The following PPP4R1 variants were observed in gnomAD, a reference collection of about 807,000 sequenced individuals.
PPP4R1 encodes serine/threonine-protein phosphatase 4 regulatory subunit 1.
A neutral mutation model predicts 111.2 loss-of-function variants in PPP4R1; 42 were observed. That is an observed-to-expected ratio of 0.38 (90% CI 0.29 to 0.49). The LOEUF is 0.49. Among genes scored for constraint, PPP4R1 ranks in the 20% least tolerant of loss-of-function variants. PPP4R1 has a pLI of 0.97. For missense variants in PPP4R1, 1,012 were observed against 1,161.6 expected, an observed-to-expected ratio of 0.87 and a Z score of 1.87; for synonymous variants, 409 against 405.5, an observed-to-expected ratio of 1.01 and a Z score of -0.10.
chr18:9,610,051 A>G (rs772944178), intron 2 of PPP4R1, among the ~76,000 whole-genome samples: 6 of 152,236 alleles, frequency 3.9e-5, no homozygotes, highest in Non-Finnish European at 7.3e-5. Flanking sequence ...TAAAAATAAC[A>G]TTCTTCAACA....
rs753744090 is a variant in PPP4R1, at chr18:9,588,251, C to A, written c.439-16G>T. ...TTTTCCTCACCTAGGAGAAAAATAA[C>A]AACACAAAGAAAGTACATATGCAAC... On this transcript the variant is annotated splice_polypyrimidine_tract_variant and intron_variant, in intron 5 of 19. Coordinates refer to ENST00000400556, the MANE Select transcript of PPP4R1 (RefSeq NM_001042388.3). The A allele has an allele frequency of 2.5e-6, 4 of 1,610,124 alleles. No individual in the cohort carries two copies. The highest frequency in any genetic ancestry group is 3.4e-6 in the Non-Finnish European group (4 of 1,178,398).
Position 9,614,090 on chromosome 18 carries a change from C to T in PPP4R1, c.52+136G>A. On this transcript the variant is annotated intron_variant, in intron 2 of 19. Transcript: ENST00000400556. The surrounding 1 kb of genome is among the most constrained non-coding windows in gnomAD (Gnocchi z 4.1). The stretch of plus-strand genomic sequence containing the variant: ...ACGCGAGATTTTCCCCCCCGATCGC[C>T]ACCCCAGCCCGCCTGGGGCCGCCCT... The T allele has an allele frequency of 1.4e-6, 1 of 726,980 alleles. No individual in the cohort carries two copies. The highest frequency in any genetic ancestry group is 1.8e-6 in the Non-Finnish European group (1 of 544,700). The allele number at this position is 726,980 out of a possible 1,614,324, so 45.0% of individuals were successfully genotyped here. A position where few individuals can be genotyped will look rare whatever the true frequency, so the allele number is the denominator to read the frequency against.
chr18:9,564,823 C>CTTTTTTT (rs35434912), intron 11 of PPP4R1, among the ~76,000 whole-genome samples: 1 of 141,750 alleles, frequency 7.1e-6, no homozygotes. Flanking sequence ...TACACTTTGG[C>CTTTTTTT]TTTTTTTTTT....
chr18:9,587,978 A>C, intron 6 of PPP4R1, 111 bp downstream of exon 6: 1 of 1,364,880 alleles, frequency 7.3e-7, no homozygotes, highest in Non-Finnish European at 1.0e-6. Context: ...CGGCCTCCCA[A>C]AGTGCTGGAA....
intron 13 of PPP4R1, among the ~76,000 whole-genome samples, chr18:9,560,779 T>C (rs1280958999): frequency 6.6e-6 from 1 of 150,632 alleles, no homozygotes; most frequent in Non-Finnish European, 1.5e-5. Context: ...GATCGAATGC[T>C]TGAGCCCAGG....
rs2066518671 is a variant in PPP4R1, at chr18:9,553,319, TACTC to T, written c.2290_2291+2del. The T allele has an allele frequency of 3.2e-6, 5 of 1,558,770 alleles. No individual in the cohort carries two copies. The highest frequency in any genetic ancestry group is 1.4e-5 in the African/African-American group (1 of 73,652). On this transcript the variant is annotated splice_donor_variant and coding_sequence_variant, in exon 16 of 20. Coordinates refer to ENST00000400556, the MANE Select transcript of PPP4R1 (RefSeq NM_001042388.3). LOFTEE classifies it high-confidence loss of function. Reference sequence around the variant, plus strand: ...CATAATCTAATAAACTGTTAGAACTTACTCAGCCAGTTCAGCTCGAAACCGCCAA... The same window carrying T: ...CATAATCTAATAAACTGTTAGAACTTAGCCAGTTCAGCTCGAAACCGCCAA...
In PPP4R1 at chr18:9,614,335, C is replaced by CG. The variant is rs1216744452; in HGVS notation, c.8-66_8-65insC. 9.1e-7 allele frequency: 1 copy of CG among 1,098,570 alleles called. No individual in the cohort carries two copies. The highest frequency in any genetic ancestry group is 5.4e-5 in the East Asian group (1 of 18,570). The allele number at this position is 1,098,570 out of a possible 1,614,324, so 68.1% of individuals were successfully genotyped here. ...CGGGGCCCGGCGCGACGCCCCCCCC[C>CG]CGCCCGCCTCCCCCCCGCCCCGGGG... On this transcript the variant is annotated intron_variant, in intron 1 of 19. Coordinates refer to ENST00000400556, the MANE Select transcript of PPP4R1 (RefSeq NM_001042388.3). This position sits in a 1 kb window ranked among gnomAD's most constrained non-coding sequence, Gnocchi z 4.1.
At chr18:9,553,464 G>GAC in intron 15 of PPP4R1, 42 bp from the exon 16 acceptor site, 2 of 1,358,236 alleles carry the variant, frequency 1.5e-6, no homozygotes, top group East Asian at 4.7e-5. Context: ...ACAAGGTACA[G>GAC]ACAGTATTTC....
At chr18:9,591,933 G>A (rs2067218186) in intron 4 of PPP4R1, among the ~76,000 whole-genome samples, 1 of 152,112 alleles carries the variant, frequency 6.6e-6, no homozygotes, top group Non-Finnish European at 1.5e-5. Flanking sequence ...TGGGTGTAGT[G>A]GCACATGCCT....
intron 13 of PPP4R1, among the ~76,000 whole-genome samples, chr18:9,561,218 C>CTAA (rs111924050): frequency 0.12 from 17,042 of 138,962 alleles, 1,063 homozygotes; most frequent in Middle Eastern, 0.23. Flanking sequence ...GACTCCATCT[C>CTAA]TAATAATAAT....
In PPP4R1 at chr18:9,614,310, C is replaced by T. The variant is rs1271098966; in HGVS notation, c.8-40G>A. 22 of 1,185,930 alleles carry T rather than the reference C, an allele frequency of 1.9e-5. No individual in the cohort carries two copies. The highest frequency in any genetic ancestry group is 2.2e-5 in the Non-Finnish European group (21 of 948,098). 73.5% of individuals were successfully genotyped at this position (1,185,930 alleles called of 1,614,324 possible). On this transcript the variant is annotated intron_variant, in intron 1 of 19. Transcript: ENST00000400556. The surrounding 1 kb of genome is among the most constrained non-coding windows in gnomAD (Gnocchi z 4.1). ...GAGAAGAAAGGCCCGGTCAGCGCCC[C>T]GGGGCCCGGCGCGACGCCCCCCCCC...
chr18:9,564,101 G>C (rs1162907974), intron 11 of PPP4R1, among the ~76,000 whole-genome samples: 1 of 152,148 alleles, frequency 6.6e-6, no homozygotes, highest in African/African-American at 2.4e-5. Context: ...AATGAGCACT[G>C]TCTTGCTTGC....
At chr18:9,603,529 TGAGA>T (rs1418911307) in intron 2 of PPP4R1, among the ~76,000 whole-genome samples, 1 of 152,216 alleles carries the variant, frequency 6.6e-6, no homozygotes, top group Admixed American at 6.5e-5. Context: ...TTTTAATTTT[TGAGA>T]GAGAGTCTCA....
intron 2 of PPP4R1, among the ~76,000 whole-genome samples, chr18:9,600,998 T>C (rs886939986): frequency 3.9e-5 from 6 of 152,218 alleles, no homozygotes; most frequent in Admixed American, 3.9e-4. Flanking sequence ...TGAATTCTTA[T>C]GTAGCTCTGC....
chr18:9,553,550 TTAAG>T (rs1356770776), intron 15 of PPP4R1, 128 bp from the exon 16 acceptor site: 1 of 629,918 alleles, frequency 1.6e-6, no homozygotes, highest in African/African-American at 1.8e-5. Context: ...GTAGCTGTAT[TTAAG>T]TGTTTTAAAA....
At chr18:9,579,299 G>T (rs2145166496) in intron 9 of PPP4R1, among the ~76,000 whole-genome samples, 1 of 152,122 alleles carries the variant, frequency 6.6e-6, no homozygotes, top group Admixed American at 6.5e-5. Context: ...AACAACTAAT[G>T]ACTTTAAACA....
At chr18:9,559,767 G>T (rs1013024199) in intron 13 of PPP4R1, among the ~76,000 whole-genome samples, 163 bp from the exon 14 acceptor site, 3 of 152,020 alleles carry the variant, frequency 2.0e-5, no homozygotes, top group Non-Finnish European at 4.4e-5. Context: ...TAATAACTAA[G>T]AGATACGAAA....
In PPP4R1 at chr18:9,592,340, C is replaced by T. The variant is rs139297928; in HGVS notation, c.295+1428G>A. ...ACCAAAGGGGCCACCATCTTGAACT[C>T]CTTTCTCTATCTTTTCCCCTCCTGG... On this transcript the variant is annotated intron_variant, in intron 4 of 19. Transcript: ENST00000400556. Among the ~76,000 whole-genome samples the T allele has an allele frequency of 1.7e-4, 26 of 152,282 alleles. 1 individual carries two copies. The South Asian group carries it at 2.1e-3, about 12-fold the overall frequency.
chr18:9,582,747 T>C (rs1456754476), intron 9 of PPP4R1, among the ~76,000 whole-genome samples: 1 of 152,198 alleles, frequency 6.6e-6, no homozygotes, highest in Non-Finnish European at 1.5e-5. Flanking sequence ...TTATCTCTCA[T>C]GATATGGACA....
Sources: allele counts gnomAD v4.1 joint callset (sites outside exome capture counted in the v4.1 genomes callset), GRCh38; gene constraint gnomAD v4.1.1; non-coding constraint Gnocchi (gnomAD v3.1); transcripts MANE v1.5; gene names NCBI Gene and HGNC (gene_info 2026-07-23, HGNC 2026-07-21).